CNTN4: variants seen among roughly 807,000 people sequenced by gnomAD.
The protein encoded by CNTN4 is contactin-4.
A neutral mutation model predicts 122.5 loss-of-function variants in CNTN4; 77 were observed. The ratio of observed to expected loss-of-function variants is 0.63; its 90% CI spans 0.52 to 0.76. The LOEUF (loss-of-function observed/expected upper bound fraction) is 0.76. Among genes scored for constraint, CNTN4 ranks in the 30% least tolerant of loss-of-function variants. The pLI is 0.00. For missense variants in CNTN4, 1,256 were observed against 1,259.1 expected (o/e 1.00, Z 0.04); for synonymous variants, 512 against 447.0 (o/e 1.15, Z -1.83).
At chr3:2,716,548 C>T (rs1298754733) in intron 4 of CNTN4, among the ~76,000 whole-genome samples, 4 of 151,864 alleles carry the variant, frequency 2.6e-5, no homozygotes, top group Admixed American at 2.6e-4. Context: ...CTCTGTGGCC[C>T]ATGGCATTTT....
At chr3:2,430,679 A>G (rs2048036685) in intron 3 of CNTN4, among the ~76,000 whole-genome samples, 1 of 151,218 alleles carries the variant, frequency 6.6e-6, no homozygotes, top group South Asian at 2.1e-4. Flanking sequence ...GGTGCATTAT[A>G]TTTAGCAATG....
chr3:2,749,393 G>C (rs1350447470), intron 6 of CNTN4, among the ~76,000 whole-genome samples: 1 of 147,104 alleles, frequency 6.8e-6, no homozygotes, highest in African/African-American at 2.5e-5. Flanking sequence ...GGCTGGTTTC[G>C]AACTCCTGAT....
chr3:2,770,104 A>C (rs1240744649), intron 6 of CNTN4, among the ~76,000 whole-genome samples: 1 of 150,546 alleles, frequency 6.6e-6, no homozygotes, highest in Non-Finnish European at 1.5e-5. Flanking sequence ...ATCTCAGCTC[A>C]CTGCAACCTC....
intron 4 of CNTN4, chr3:2,629,507 C>T (rs1392308296): frequency 2.2e-6 from 1 of 446,432 alleles, no homozygotes; most frequent in African/African-American, 2.0e-5. Flanking sequence ...GAATTTTACC[C>T]TGTTCCTTCC....
intron 4 of CNTN4, among the ~76,000 whole-genome samples, chr3:2,638,711 TTGACC>T (rs1435447239): frequency 6.6e-6 from 1 of 152,216 alleles, no homozygotes; most frequent in Non-Finnish European, 1.5e-5. Flanking sequence ...AGTCAACTTG[TTGACC>T]TGACCTCCTC....
At chr3:2,757,435 T>C (rs79140289) in intron 6 of CNTN4, among the ~76,000 whole-genome samples, 3,438 of 152,300 alleles carry the variant, frequency 0.023, 54 homozygotes, top group Non-Finnish European at 0.036. Flanking sequence ...GACCTCTTTG[T>C]CTGGCACTCT....
At chr3:2,461,558 A>C (rs1324594011) in intron 3 of CNTN4, among the ~76,000 whole-genome samples, 1 of 152,144 alleles carries the variant, frequency 6.6e-6, no homozygotes, top group Non-Finnish European at 1.5e-5. Flanking sequence ...TGAGCTCTTA[A>C]CCGCTGTACC....
intron 9 of CNTN4, among the ~76,000 whole-genome samples, chr3:2,885,363 A>G (rs2093960604): frequency 6.6e-6 from 1 of 152,152 alleles, no homozygotes; most frequent in Non-Finnish European, 1.5e-5. Flanking sequence ...GACCTCACAG[A>G]TGGCATCTTT....
intron 6 of CNTN4, among the ~76,000 whole-genome samples, chr3:2,770,651 T>G (rs1180187793): frequency 2.6e-5 from 4 of 152,212 alleles, no homozygotes; most frequent in Non-Finnish European, 4.4e-5. Flanking sequence ...AAACAGAAAC[T>G]ATCCAGGGCT....
At chr3:2,110,007 G>T (rs1302517033) in intron 2 of CNTN4, among the ~76,000 whole-genome samples, 2 of 152,200 alleles carry the variant, frequency 1.3e-5, no homozygotes, top group Non-Finnish European at 2.9e-5. Context: ...ATTAAGAGTT[G>T]CTTTTAATAT....
intron 2 of CNTN4, among the ~76,000 whole-genome samples, chr3:2,204,413 A>G (rs1306658823): frequency 6.6e-6 from 1 of 152,192 alleles, no homozygotes; most frequent in Non-Finnish European, 1.5e-5. Context: ...TCCTAAAAGT[A>G]GCTAATTCAA....
chr3:3,022,090 A>G (rs1343835948), intron 14 of CNTN4, among the ~76,000 whole-genome samples: 2 of 138,998 alleles, frequency 1.4e-5, no homozygotes, highest in Non-Finnish European at 3.2e-5. Context: ...AAAAAAAAAA[A>G]AGAATTAGTT....
At chr3:2,627,686 G>A (rs1040625140) in intron 4 of CNTN4, among the ~76,000 whole-genome samples, 3 of 151,772 alleles carry the variant, frequency 2.0e-5, no homozygotes, top group Non-Finnish European at 4.4e-5. Context: ...GTAGAGACGG[G>A]GTTTCACCGT....
At chr3:2,550,501 G>A (rs921897037) in intron 3 of CNTN4, among the ~76,000 whole-genome samples, 1 of 152,172 alleles carries the variant, frequency 6.6e-6, no homozygotes, top group African/African-American at 2.4e-5. Flanking sequence ...CACTGTTGGT[G>A]GGAGTGCAAA....
chr3:2,742,887 A>G (rs1428438735), intron 5 of CNTN4, among the ~76,000 whole-genome samples: 1 of 152,244 alleles, frequency 6.6e-6, no homozygotes, highest in Non-Finnish European at 1.5e-5. Flanking sequence ...TGGAATGAAC[A>G]GTGACTGCAT....
intron 13 of CNTN4, among the ~76,000 whole-genome samples, chr3:2,985,993 C>G (rs1396706164): frequency 6.7e-6 from 1 of 149,714 alleles, no homozygotes; most frequent in Non-Finnish European, 1.5e-5. Flanking sequence ...CGGCTCACTG[C>G]AACCTCCACC....
At chr3:2,934,506 C>T (rs184116295) in intron 13 of CNTN4, among the ~76,000 whole-genome samples, 7 of 152,362 alleles carry the variant, frequency 4.6e-5, no homozygotes, top group African/African-American at 1.4e-4. Flanking sequence ...GGTCCAAAGA[C>T]GCTGGCAGTC....
In CNTN4 at chr3:2,101,289, C is replaced by T. The variant is rs2031932723; in HGVS notation, c.-145+650C>T. 2.0e-5 allele frequency among the ~76,000 whole-genome samples: 3 copies of T among 152,176 alleles called. No homozygotes were observed. The South Asian group carries it at 6.2e-4, about 32-fold the overall frequency. ...TCTTCTGAAATGTATACAGGGCATC[C>T]GTTCCTTCAATTTAGGTCTTAAAAA... is the stretch of plus-strand genomic sequence containing the variant. On this transcript the variant is annotated intron_variant, in intron 2 of 24. Transcript: ENST00000418658.
At chr3:2,630,237 C>T (rs2082370970) in intron 4 of CNTN4, among the ~76,000 whole-genome samples, 1 of 152,196 alleles carries the variant, frequency 6.6e-6, no homozygotes, top group Non-Finnish European at 1.5e-5. Context: ...GAGTTCAAGA[C>T]CAGCCTGGCC....
Sources: gnomAD v4.1 joint callset for allele counts (sites outside exome capture counted in the v4.1 genomes callset) on GRCh38, gnomAD v4.1.1 for gene constraint, MANE v1.5 for transcripts, NCBI Gene and HGNC (gene_info 2026-07-23, HGNC 2026-07-21) for gene names.